DLG5: variants seen among roughly 807,000 people sequenced by gnomAD.
DLG5 encodes the protein discs large MAGUK scaffold protein 5.
DLG5 carries 48 observed loss-of-function variants against 189.8 expected under a neutral mutation model. The ratio of observed to expected loss-of-function variants is 0.25; its 90% confidence interval spans 0.20 to 0.32. The LOEUF (loss-of-function observed/expected upper bound fraction) is 0.32, where lower values mean the gene tolerates loss of function less well. Ranked by LOEUF, DLG5 falls within the 10% of genes least tolerant of loss-of-function variation. The probability of loss-of-function intolerance (pLI) is 1.00; values close to 1 mark genes in which losing one functional copy is unlikely to be tolerated. For synonymous variants in DLG5, 1,016 were observed against 1,054.1 expected (o/e 0.96, Z 0.70); for missense variants, 2,160 against 2,544.7 (o/e 0.85, Z 3.25).
chr10:77,900,264 A>G (rs1050829982), intron 1 of DLG5, among the ~76,000 whole-genome samples: 5 of 152,112 alleles, frequency 3.3e-5, no homozygotes, highest in African/African-American at 1.2e-4. Flanking sequence ...CCTCCTCTCC[A>G]GGTCATCTCC....
In DLG5 at chr10:77,842,065, G is replaced by A. The variant is rs753430529; in HGVS notation, c.1253C>T (p.Ser418Leu). 6 of 1,614,076 alleles carry A rather than the reference G, an allele frequency of 3.7e-6. No individual in the cohort carries two copies. The highest frequency in any genetic ancestry group is 4.5e-5 in the East Asian group (2 of 44,890). ...GTCCCGCTCCTCCCTGTATTTCTCC[G>A]ACTCCTTTGCTGTCTTCACCTGCGT... ...RTTQVKTAKE[S>L]EKYREERDAV... Residue 418 changes from serine to leucine, a missense_variant, in exon 7 of 32, where the codon TCG (serine) becomes TTG (leucine). This residue lies in a region of DLG5 where 664 missense variants were observed against 838.5 expected (regional missense o/e 0.79). Transcript: ENST00000372391.
At chr10:77,852,440 G>A (rs1190237915) in intron 5 of DLG5, among the ~76,000 whole-genome samples, 2 of 152,048 alleles carry the variant, frequency 1.3e-5, no homozygotes, top group African/African-American at 4.8e-5. Context: ...GTTTGAGGCA[G>A]AATCTTGCTC....
At chr10:77,864,753 A>G (rs1844607809) in intron 2 of DLG5, among the ~76,000 whole-genome samples, 2 of 152,226 alleles carry the variant, frequency 1.3e-5, no homozygotes, top group Admixed American at 1.3e-4. Flanking sequence ...ACTGCCTTTA[A>G]AGAAATCCCC....
chr10:77,917,199 G>A (rs1421287289), intron 1 of DLG5, among the ~76,000 whole-genome samples: 5 of 151,900 alleles, frequency 3.3e-5, no homozygotes, highest in Admixed American at 6.6e-5. Context: ...AAAATCAGTC[G>A]GGCATGGTGG....
chr10:77,830,072 T>C, intron 11 of DLG5, 145 bp downstream of exon 11: 1 of 960,544 alleles, frequency 1.0e-6, no homozygotes, highest in Non-Finnish European at 1.5e-6. Context: ...CATTATTAGC[T>C]GCTGAGACTG....
chr10:77,923,215 G>A (rs952940451), intron 1 of DLG5, among the ~76,000 whole-genome samples: 5 of 152,296 alleles, frequency 3.3e-5, no homozygotes, highest in East Asian at 1.9e-4. Flanking sequence ...CAATGGCCTC[G>A]AACTGAGGCC....
chr10:77,850,813 A>T (rs1167637023), intron 5 of DLG5, among the ~76,000 whole-genome samples: 1 of 152,206 alleles, frequency 6.6e-6, no homozygotes, highest in Non-Finnish European at 1.5e-5. Context: ...AGCCATACAG[A>T]CCAATTCTCC....
chr10:77,819,347 A>C lies in DLG5; in HGVS notation c.3645T>G (p.Asp1215Glu), dbSNP rs1463431537. 1 of 1,614,088 alleles carries C rather than the reference A, an allele frequency of 6.2e-7. No homozygotes were observed. Among genetic ancestry groups the C allele is most frequent in the Admixed American group, 1.7e-5 (1 of 60,018 alleles). ...TGGGATGCAAACCCTGGGGGCCAGC[A>C]TCTCGGGCCGCAGGTGGAGAGCTGC... ...GPCSSPPAAR[D>E]AGPQGLHPSV... The change falls in exon 17 of 32, where the codon GAT becomes GAG. Residue 1215 changes from aspartate (D) to glutamate (E), a missense_variant. Asp to Glu is a conservative substitution (Grantham distance 45). This residue lies in a region of DLG5 where 754 missense variants were observed against 746.5 expected (regional missense o/e 1.01). Transcript: ENST00000372391.
chr10:77,907,009 G>A (rs1332543157), intron 1 of DLG5, among the ~76,000 whole-genome samples: 4 of 151,992 alleles, frequency 2.6e-5, no homozygotes, highest in South Asian at 2.1e-4. Context: ...CACTCACCAC[G>A]TGATCTGACA....
intron 13 of DLG5, among the ~76,000 whole-genome samples, chr10:77,827,345 C>G (rs763878299): frequency 1.6e-4 from 25 of 152,154 alleles, no homozygotes; most frequent in Admixed American, 1.0e-3. Context: ...CCTGCCTCAG[C>G]CTCCCGAGTA....
intron 1 of DLG5, among the ~76,000 whole-genome samples, chr10:77,910,496 A>T (rs1277290269): frequency 6.6e-6 from 1 of 152,230 alleles, no homozygotes; most frequent in African/African-American, 2.4e-5. Context: ...CAAAGCCAGG[A>T]GAATGTCAGG....
intron 25 of DLG5, among the ~76,000 whole-genome samples, chr10:77,807,323 GTGTTC>G (rs1187319217): frequency 6.6e-6 from 1 of 152,194 alleles, no homozygotes; most frequent in African/African-American, 2.4e-5. Flanking sequence ...TACCGCATCA[GTGTTC>G]TCATGCTTTC....
At chr10:77,803,631 A>G (rs1450307577) in intron 27 of DLG5, among the ~76,000 whole-genome samples, 2 of 152,216 alleles carry the variant, frequency 1.3e-5, no homozygotes, top group African/African-American at 2.4e-5. Flanking sequence ...AGGAAGGTGT[A>G]ACAATGCAAA....
At chr10:77,854,650 G>A (rs1014573811) in intron 3 of DLG5, among the ~76,000 whole-genome samples, 18 of 152,194 alleles carry the variant, frequency 1.2e-4, no homozygotes, top group African/African-American at 4.3e-4. Context: ...CCAGGAGTCT[G>A]TACAACAGGT....
chr10:77,877,991 C>A (rs1256843755), intron 1 of DLG5, among the ~76,000 whole-genome samples: 1 of 152,240 alleles, frequency 6.6e-6, no homozygotes, highest in African/African-American at 2.4e-5. Flanking sequence ...GGGGCCATGT[C>A]TGCCCTAGAA....
chr10:77,853,588 C>T (rs768659380), intron 4 of DLG5, 51 bp from the exon 5 acceptor site: 19 of 1,453,136 alleles, frequency 1.3e-5, no homozygotes, highest in East Asian at 7.3e-5. Context: ...CCTCACACCC[C>T]GCCCCACCCC....
At position 77,856,874 on chromosome 10, in the gene DLG5, G is replaced by T; in HGVS notation, c.392C>A (p.Pro131Gln). 1 of 1,611,718 alleles carries T rather than the reference G, an allele frequency of 6.2e-7. No individual in the cohort carries two copies. The highest frequency in any genetic ancestry group is 8.5e-7 in the Non-Finnish European group (1 of 1,179,680). ...GTCAGTGAGGAGGGGTGGTGGGGAC[G>T]GCGCCTTCCCGGTAGTGCCTGTGGA... ...LSSVGTTGKAPSPPPLLTDQQ... is the reference protein window; with the variant it reads ...LSSVGTTGKAQSPPPLLTDQQ... Residue 131 changes from proline to glutamine, a missense_variant, in exon 3 of 32, where the codon CCG becomes CAG. This residue lies in a region of DLG5 where 664 missense variants were observed against 838.5 expected (regional missense o/e 0.79). Coordinates refer to ENST00000372391, the MANE Select transcript of DLG5 (RefSeq NM_004747.4).
chr10:77,796,424 G>A lies in DLG5; in HGVS notation c.5308+27C>T, dbSNP rs375467275. 1.0e-4 allele frequency: 168 copies of A among 1,614,008 alleles called. No homozygotes were observed. The highest frequency in any genetic ancestry group is 8.2e-4 in the Middle Eastern group (5 of 6,084). The stretch of plus-strand genomic sequence containing the variant: ...GACATAGAGACAAAGAGCCCAGTAG[G>A]CACAGAGGGTGCCCCGTGCCCCTTA... On this transcript the variant is annotated intron_variant, in intron 28 of 31. Transcript: ENST00000372391. The surrounding 1 kb of genome is among the most constrained non-coding windows in gnomAD (Gnocchi z 5.2).
rs1846243694 is a variant in DLG5, at chr10:77,912,218, A to G, written c.304+13999T>C. The G allele has an allele frequency of 1.3e-5, 2 of 151,902 alleles. 1 individual carries two copies. Among genetic ancestry groups the G allele is most frequent in the African/African-American group, 4.8e-5 (2 of 41,328 alleles). 9.4% of individuals were successfully genotyped at this position (151,902 alleles called of 1,614,324 possible). A position where few individuals can be genotyped will look rare whatever the true frequency, so the allele number is the denominator to read the frequency against. On this transcript the variant is annotated intron_variant, in intron 1 of 31. Coordinates refer to ENST00000372391, the MANE Select transcript of DLG5 (RefSeq NM_004747.4). ...GACCCTGTCTCTTTAAAAAAAAAAA[A>G]AAAAAAAGGTTAATTTTTCTATTTA...
Sources: allele counts gnomAD v4.1 joint callset (sites outside exome capture counted in the v4.1 genomes callset), GRCh38; gene constraint gnomAD v4.1.1; regional missense constraint gnomAD v4.1.1; non-coding constraint Gnocchi (gnomAD v3.1); transcripts MANE v1.5; gene names NCBI Gene and HGNC (gene_info 2026-07-23, HGNC 2026-07-21).